Variants in SERPINA12 observed in about 807,000 individuals in gnomAD.
SERPINA12 encodes the protein serpin family A member 12.
In SERPINA12, 21 loss-of-function variants were observed where a neutral mutation model predicts 25.9. That is an observed-to-expected ratio of 0.81 (90% CI 0.58 to 1.17). SERPINA12 has a LOEUF of 1.17. Among genes scored for constraint, SERPINA12 ranks in the 50% most tolerant of loss-of-function variants. The probability of loss-of-function intolerance (pLI) is 0.00; values close to 1 mark genes in which losing one functional copy is unlikely to be tolerated. For synonymous variants in SERPINA12, 220 were observed against 196.0 expected (o/e 1.12, Z -1.02); for missense variants, 562 against 508.3 (o/e 1.11, Z -1.02).
chr14:94,511,570 A>G, upstream of SERPINA12: 1 of 985,410 alleles, frequency 1.0e-6, no homozygotes, highest in Non-Finnish European at 1.2e-6. Flanking sequence ...TGGTTCGTGC[A>G]GCCCAGAACA....
Position 94,498,355 on chromosome 14 carries a change from G to A in SERPINA12, c.43C>T (p.Leu15Phe). ...LGLAIFLAVL[L>F]TVKGLLKPSF... is the part of the protein sequence containing the mutation. Reference sequence around the variant, plus strand: ...GGCTTTAGAAGACCTTTCACCGTGAGGAGAACAGCCAGAAAAATGGCCAGG... The same window carrying A: ...GGCTTTAGAAGACCTTTCACCGTGAAGAGAACAGCCAGAAAAATGGCCAGG... The change falls in exon 2 of 5, where the codon CTC becomes TTC. Residue 15 changes from leucine to phenylalanine, a missense_variant. Transcript: ENST00000677451. The A allele has an allele frequency of 6.2e-7, 1 of 1,614,102 alleles. No homozygotes were observed. The highest frequency in any genetic ancestry group is 1.6e-4 in the Middle Eastern group (1 of 6,062).
At chr14:94,500,408 GAC>G (rs1422658336) in intron 1 of SERPINA12, among the ~76,000 whole-genome samples, 1 of 151,890 alleles carries the variant, frequency 6.6e-6, no homozygotes, top group Non-Finnish European at 1.5e-5. Context: ...GTGCCTCAGG[GAC>G]ACAAGCCCCT....
At chr14:94,500,662 C>A (rs967823596) in intron 1 of SERPINA12, among the ~76,000 whole-genome samples, 55 of 152,228 alleles carry the variant, frequency 3.6e-4, no homozygotes, top group African/African-American at 1.2e-3. Flanking sequence ...GCACGGCAGG[C>A]AGGGACTAAC....
chr14:94,492,386 T>C (rs1429680485), intron 3 of SERPINA12, among the ~76,000 whole-genome samples: 1 of 152,070 alleles, frequency 6.6e-6, no homozygotes, highest in Non-Finnish European at 1.5e-5. Context: ...GGAAAAATAA[T>C]AGCATTGAGA....
chr14:94,496,522 G>A lies in SERPINA12; in HGVS notation c.756C>T (p.Asp252=), dbSNP rs761146045. 2.5e-5 allele frequency: 41 copies of A among 1,613,982 alleles called. No homozygotes were observed. Among genetic ancestry groups the A allele is most frequent in the Middle Eastern group, 1.6e-4 (1 of 6,062 alleles). ...CCAGGATGGTGCAAGAGAGCTTATC[G>A]TCATAGCCAACTTGGTATATGCCAC... ...FRSGIYQVGY[D]DKLSCTILEI... Residue 252 remains aspartate, a synonymous_variant, in exon 3 of 5, where the codon GAC becomes GAT. Coordinates refer to ENST00000677451, the MANE Select transcript of SERPINA12 (RefSeq NM_001382267.1).
chr14:94,492,450 C>A (rs140450157), intron 3 of SERPINA12, among the ~76,000 whole-genome samples: 1 of 152,196 alleles, frequency 6.6e-6, no homozygotes, highest in Admixed American at 6.5e-5. Context: ...AAGGCAGACA[C>A]CTGCTTTGTC....
intron 1 of SERPINA12, among the ~76,000 whole-genome samples, chr14:94,505,525 C>T (rs985822239): frequency 1.3e-5 from 2 of 152,186 alleles, no homozygotes; most frequent in Non-Finnish European, 2.9e-5. Flanking sequence ...GCAGAGGAGA[C>T]AGAAGGACAG....
intron 3 of SERPINA12, among the ~76,000 whole-genome samples, chr14:94,495,071 T>TTA (rs1157131363): frequency 6.4e-5 from 9 of 139,778 alleles, no homozygotes; most frequent in African/African-American, 2.2e-4. Context: ...TTTCTTTTTT[T>TTA]TTTTTTTTTT....
intron 2 of SERPINA12, among the ~76,000 whole-genome samples, chr14:94,497,451 T>A (rs1254758737): frequency 2.0e-5 from 3 of 152,214 alleles, no homozygotes; most frequent in African/African-American, 7.2e-5. Flanking sequence ...ACTCTGATTT[T>A]TTTTTCTCAT....
chr14:94,493,658 G>A (rs2236243), intron 3 of SERPINA12, among the ~76,000 whole-genome samples: 55,010 of 151,776 alleles, frequency 0.36, 10,430 homozygotes, highest in East Asian at 0.51. Context: ...TGGACTTCAC[G>A]AGACGCCACT....
chr14:94,489,753 G>GAC lies in SERPINA12; in HGVS notation c.918_919dup (p.Ser307CysfsTer8). 1 of 1,614,128 alleles carries GAC rather than the reference G, an allele frequency of 6.2e-7. No individual in the cohort carries two copies. The highest frequency in any genetic ancestry group is 8.5e-7 in the Non-Finnish European group (1 of 1,179,982). On this transcript the variant is annotated frameshift_variant, in exon 4 of 5. Transcript: ENST00000677451. LOFTEE classifies it high-confidence loss of function. ...GCCCGTCATGTGGAGTCTGGGTACA[G>GAC]ACACGTCTACGACCCTGGGGAATTG...
chr14:94,512,062 C>T (rs1278267094), upstream of SERPINA12, among the ~76,000 whole-genome samples: 3 of 152,148 alleles, frequency 2.0e-5, no homozygotes, highest in Admixed American at 6.6e-5. Context: ...TGCACCACTG[C>T]ACTTCAGCCT....
At chr14:94,503,759 C>T (rs563908679) in intron 1 of SERPINA12, among the ~76,000 whole-genome samples, 2 of 152,338 alleles carry the variant, frequency 1.3e-5, no homozygotes, top group South Asian at 2.1e-4. Flanking sequence ...TTGATGGATC[C>T]AGCCTCTATC....
intron 1 of SERPINA12, among the ~76,000 whole-genome samples, chr14:94,508,877 T>C (rs1244818150): frequency 1.3e-5 from 2 of 152,222 alleles, no homozygotes. Context: ...TTTTCTTCTT[T>C]GTCTTTGTCT....
rs749597387 is a variant in SERPINA12 at position 94,496,692 on chromosome 14, G to A, written c.635-49C>T. The A allele has an allele frequency of 6.4e-6, 10 of 1,553,442 alleles. No individual in the cohort carries two copies. The East Asian group carries it at 2.0e-4, about 31-fold the overall frequency. ...GACATGTTATCCCAAGGGAAAAAAG[G>A]TGACTAAATCCAACTAACCAGTAGT... is the stretch of plus-strand genomic sequence containing the variant. On this transcript the variant is annotated intron_variant, in intron 2 of 4. Coordinates refer to ENST00000677451, the MANE Select transcript of SERPINA12 (RefSeq NM_001382267.1).
intron 1 of SERPINA12, among the ~76,000 whole-genome samples, chr14:94,505,680 G>C (rs897661372): frequency 6.6e-6 from 1 of 152,198 alleles, no homozygotes; most frequent in Non-Finnish European, 1.5e-5. Context: ...TAATGACAGG[G>C]TGAGGCCTGT....
chr14:94,515,693 T>G (rs1901215671), intron 2 of SERPINA12: 1 of 152,532 alleles, frequency 6.6e-6, no homozygotes, highest in Non-Finnish European at 1.5e-5. Flanking sequence ...GGGCAAACAG[T>G]GCAGATGCGG....
rs1033734850 is a variant in SERPINA12 at position 94,500,869 on chromosome 14, G to A, written c.-33-2439C>T. 9.1e-6 allele frequency: 9 copies of A among 985,152 alleles called. No homozygotes were observed. The South Asian group carries it at 1.9e-4, about 21-fold the overall frequency. 61.0% of individuals were successfully genotyped at this position (985,152 alleles called of 1,614,324 possible). ...AAGCCAAAAACATCCTCACAAATAC[G>A]GGCAGATACATATTTTTTAAAACGC... On this transcript the variant is annotated intron_variant, in intron 1 of 4. Coordinates refer to ENST00000677451, the MANE Select transcript of SERPINA12 (RefSeq NM_001382267.1).
Position 94,496,372 on chromosome 14 carries a change from C to G in SERPINA12, c.905+1G>C. 6.2e-7 allele frequency: 1 copy of G among 1,614,174 alleles called. No individual in the cohort carries two copies. ...CTGCGAGGGCTAGGCACCCACTTTA[C>G]CTGCGTGACAGTAATGTTTTCCATC... On this transcript the variant is annotated splice_donor_variant, in intron 3 of 4. Transcript: ENST00000677451. LOFTEE classifies it high-confidence loss of function.
Sources: allele counts gnomAD v4.1 joint callset (sites outside exome capture counted in the v4.1 genomes callset), GRCh38; gene constraint gnomAD v4.1.1; transcripts MANE v1.5; gene names NCBI Gene and HGNC (gene_info 2026-07-23, HGNC 2026-07-21).